The following AADAT variants were observed in gnomAD, a reference collection of about 807,000 sequenced individuals.
The protein encoded by AADAT is kynurenine/alpha-aminoadipate aminotransferase, mitochondrial.
In AADAT, 25 loss-of-function variants were observed where a neutral mutation model predicts 56.2. The observed-to-expected ratio is 0.44, with a 90% CI of 0.32 to 0.62. The LOEUF is 0.62. Ranked by LOEUF, AADAT falls within the 20% of genes least tolerant of loss-of-function variation. The pLI is 0.04. For missense variants in AADAT, 387 were observed against 510.5 expected (o/e 0.76, Z 2.33); for synonymous variants, 173 against 164.7 (o/e 1.05, Z -0.39).
At chr4:170,076,403 C>T (rs1396687824) in intron 4 of AADAT, among the ~76,000 whole-genome samples, 1 of 152,126 alleles carries the variant, frequency 6.6e-6, no homozygotes, top group Non-Finnish European at 1.5e-5. Context: ...AGAGTACTAA[C>T]CACTACACGA....
chr4:170,089,468 G>A (rs969247005), intron 1 of AADAT, 156 bp downstream of exon 1: 2 of 793,246 alleles, frequency 2.5e-6, no homozygotes, highest in African/African-American at 1.7e-5. Context: ...CAAAGGCTGT[G>A]TCTATTTCAT....
intron 11 of AADAT, 104 bp downstream of exon 11, chr4:170,064,615 G>C (rs1581567394): frequency 1.2e-6 from 1 of 836,758 alleles, no homozygotes; most frequent in South Asian, 1.7e-5. Context: ...TGAGTTGGCT[G>C]GTGGGCAACA....
chr4:170,074,532 T>C (rs916925432), intron 4 of AADAT, among the ~76,000 whole-genome samples: 2 of 152,164 alleles, frequency 1.3e-5, no homozygotes, highest in African/African-American at 2.4e-5. Flanking sequence ...GTTGTGTTCA[T>C]ATATAAAACA....
chr4:170,093,907 C>T (rs1309675428), upstream of AADAT, among the ~76,000 whole-genome samples: 4 of 152,204 alleles, frequency 2.6e-5, no homozygotes, highest in Admixed American at 1.3e-4. Flanking sequence ...CTCACACAGG[C>T]ATTTTTAAAA....
At position 170,088,533 on chromosome 4, in the gene AADAT, C is replaced by A. The variant is rs761367463; in HGVS notation, c.99G>T (p.Met33Ile). Residue 33 changes from methionine to isoleucine, a missense_variant, in exon 2 of 13, where the codon ATG becomes ATT. Met to Ile is a conservative substitution (Grantham distance 10). Transcript: ENST00000337664. The part of the protein sequence containing the change: ...TDILSRGPKS[M>I]ISLAGGLPNP... ...TTGGTAAGCCACCAGCCAAGGAGAT[C>A]ATCGATTTTGGTCCTCTGCTCAATA... 2.5e-6 allele frequency: 4 copies of A among 1,612,938 alleles called. No individual in the cohort carries two copies. Among genetic ancestry groups the A allele is most frequent in the South Asian group, 2.2e-5 (2 of 90,974 alleles).
At chr4:170,093,125 C>T (rs894170635), upstream of AADAT, among the ~76,000 whole-genome samples, 2 of 151,868 alleles carry the variant, frequency 1.3e-5, no homozygotes, top group African/African-American at 4.8e-5. Flanking sequence ...TCCTTAGATA[C>T]TTAGAAGAAA....
rs1400454778 is a variant in AADAT, at chr4:170,069,111, T to C, written c.803+37A>G. 7 of 1,562,928 alleles carry C rather than the reference T, an allele frequency of 4.5e-6. No homozygotes were observed. In the Admixed American group the frequency reaches 1.3e-4, roughly 28 times the overall value. ...TACTGAGGTACTATCTCTGGCTCTATTAGATCTAGCGTCAAGTTAGAGACA... is the reference window on the plus strand; with the variant it reads ...TACTGAGGTACTATCTCTGGCTCTACTAGATCTAGCGTCAAGTTAGAGACA... On this transcript the variant is annotated intron_variant, in intron 7 of 12. Coordinates refer to ENST00000337664, the MANE Select transcript of AADAT (RefSeq NM_016228.4).
intron 12 of AADAT, 118 bp downstream of exon 12, chr4:170,061,774 T>A: frequency 1.6e-6 from 1 of 635,508 alleles, no homozygotes; most frequent in South Asian, 3.5e-5. Context: ...TCAACAAATA[T>A]CTGAATTTTA....
At chr4:170,083,056 T>C (rs1329344007) in intron 3 of AADAT, among the ~76,000 whole-genome samples, 3 of 147,056 alleles carry the variant, frequency 2.0e-5, no homozygotes, top group Non-Finnish European at 4.5e-5. Flanking sequence ...AGTAGACAGT[T>C]ACAAAAATAT....
chr4:170,092,492 ACT>A (rs1380037483), upstream of AADAT, among the ~76,000 whole-genome samples: 1 of 152,202 alleles, frequency 6.6e-6, no homozygotes, highest in Non-Finnish European at 1.5e-5. Flanking sequence ...CTCTGGACAC[ACT>A]GACTTTAAGA....
In AADAT at chr4:170,078,601, G is replaced by A. The variant is rs774605595; in HGVS notation, c.370-18C>T. ...TCAAACACCTAACAAAAGAAGCATA[G>A]GTTAGCTTGTTAGTCAGCATAGGTT... is the stretch of plus-strand genomic sequence containing the variant. On this transcript the variant is annotated intron_variant, in intron 3 of 12. Transcript: ENST00000337664. 1 of 1,579,708 alleles carries A rather than the reference G, an allele frequency of 6.3e-7. No individual in the cohort carries two copies. Among genetic ancestry groups the A allele is most frequent in the South Asian group, 1.1e-5 (1 of 87,610 alleles).
chr4:170,077,788 CT>C (rs1286125885), intron 4 of AADAT, among the ~76,000 whole-genome samples: 1 of 152,190 alleles, frequency 6.6e-6, no homozygotes, highest in Non-Finnish European at 1.5e-5. Context: ...AAATCTAATT[CT>C]TTTGTCACAT....
chr4:170,084,754 G>A (rs2111206776), intron 3 of AADAT, among the ~76,000 whole-genome samples: 1 of 152,288 alleles, frequency 6.6e-6, no homozygotes, highest in Non-Finnish European at 1.5e-5. Context: ...GGCATCTTAT[G>A]ACAAACAGTA....
intron 6 of AADAT, 34 bp downstream of exon 6, chr4:170,070,553 T>C: frequency 6.6e-7 from 1 of 1,507,296 alleles, no homozygotes. Context: ...CAACTTATCT[T>C]CTAATAGTGA....
At chr4:170,087,046 A>G in intron 3 of AADAT, 70 bp downstream of exon 3, 1 of 1,557,480 alleles carries the variant, frequency 6.4e-7, no homozygotes, top group South Asian at 1.2e-5. Context: ...TCTGTGGTTA[A>G]GTGCGAGAGG....
At chr4:170,079,307 A>G (rs1411626245) in intron 3 of AADAT, among the ~76,000 whole-genome samples, 7 of 152,176 alleles carry the variant, frequency 4.6e-5, no homozygotes, top group African/African-American at 7.2e-5. Context: ...AATGTAGAGA[A>G]AAGAGTGGTG....
chr4:170,087,671 C>G (rs565381468), intron 2 of AADAT, among the ~76,000 whole-genome samples: 1 of 152,162 alleles, frequency 6.6e-6, no homozygotes, highest in African/African-American at 2.4e-5. Flanking sequence ...TATTACATAA[C>G]TAACACATAT....
chr4:170,065,813 T>C (rs551573562), intron 10 of AADAT, among the ~76,000 whole-genome samples: 1 of 152,198 alleles, frequency 6.6e-6, no homozygotes, highest in Non-Finnish European at 1.5e-5. Context: ...TAATTCTGTT[T>C]TTACCAAGAC....
At chr4:170,076,586 G>C (rs956659463) in intron 4 of AADAT, among the ~76,000 whole-genome samples, 1 of 152,058 alleles carries the variant, frequency 6.6e-6, no homozygotes, top group Non-Finnish European at 1.5e-5. Flanking sequence ...CTGTTGTTGA[G>C]TTGTAGGAGT....
Sources: allele counts gnomAD v4.1 joint callset (sites outside exome capture counted in the v4.1 genomes callset), GRCh38; gene constraint gnomAD v4.1.1; transcripts MANE v1.5; gene names NCBI Gene and HGNC (gene_info 2026-07-23, HGNC 2026-07-21).